The following UROS variants were observed in gnomAD, a reference collection of about 807,000 sequenced individuals.
UROS encodes uroporphyrinogen-III synthase.
Under a neutral mutation model 33.0 loss-of-function variants are expected in UROS, and 18 were observed. The ratio of observed to expected loss-of-function variants is 0.55; its 90% confidence interval spans 0.38 to 0.81. The LOEUF (loss-of-function observed/expected upper bound fraction) is 0.81. UROS is among the 30% of genes least tolerant of loss of function. The pLI, the probability that UROS is intolerant of heterozygous loss-of-function variation, is 0.00. For synonymous variants in UROS, 114 were observed against 121.1 expected, an observed-to-expected ratio of 0.94 and a Z score of 0.38; for missense variants, 293 against 314.9, an observed-to-expected ratio of 0.93 and a Z score of 0.53.
chr10:125,805,954 T>C (rs1852290985), intron 6 of UROS, among the ~76,000 whole-genome samples: 1 of 152,184 alleles, frequency 6.6e-6, no homozygotes, highest in Non-Finnish European at 1.5e-5. Context: ...CCCAGCAGTA[T>C]CTCTGCTGTT....
chr10:125,808,980 G>C (rs1852573169), intron 5 of UROS, among the ~76,000 whole-genome samples: 1 of 152,252 alleles, frequency 6.6e-6, no homozygotes, highest in South Asian at 2.1e-4. Flanking sequence ...AAAGCTGACA[G>C]TGAAACTTCA....
At chr10:125,800,448 C>T (rs555491750) in intron 6 of UROS, among the ~76,000 whole-genome samples, 60 of 152,264 alleles carry the variant, frequency 3.9e-4, no homozygotes, top group African/African-American at 1.3e-3. Flanking sequence ...TCGCACCTTA[C>T]GCAGGGGAGG....
At chr10:125,810,103 T>C (rs1852674613) in intron 5 of UROS, among the ~76,000 whole-genome samples, 1 of 152,084 alleles carries the variant, frequency 6.6e-6, no homozygotes, top group Non-Finnish European at 1.5e-5. Flanking sequence ...GAGCCAGGGG[T>C]GGCTCTTGAC....
At chr10:125,810,242 G>A (rs560162085) in intron 5 of UROS, among the ~76,000 whole-genome samples, 1 of 152,298 alleles carries the variant, frequency 6.6e-6, no homozygotes, top group East Asian at 1.9e-4. Flanking sequence ...AGAAGAAATG[G>A]ATGCCACTTC....
At chr10:125,813,767 C>T (rs1853032894) in intron 4 of UROS, among the ~76,000 whole-genome samples, 1 of 152,262 alleles carries the variant, frequency 6.6e-6, no homozygotes, top group Non-Finnish European at 1.5e-5. Context: ...GCATGAGCCA[C>T]TGCGCCTGGC....
chr10:125,807,682 C>T (rs1852453719), intron 5 of UROS, among the ~76,000 whole-genome samples, 195 bp from the exon 6 acceptor site: 2 of 152,132 alleles, frequency 1.3e-5, no homozygotes, highest in Non-Finnish European at 2.9e-5. Context: ...GTACCTGCAC[C>T]CCAGTTGTGT....
At chr10:125,789,134 T>TAAAAATGA in intron 9 of UROS, 129 bp from the exon 10 acceptor site, 2 of 1,451,234 alleles carry the variant, frequency 1.4e-6, no homozygotes, top group Non-Finnish European at 1.9e-6. Flanking sequence ...GACGTGTTTA[T>TAAAAATGA]AAAAATGACA....
intron 6 of UROS, chr10:125,803,083 C>T: frequency 7.4e-6 from 12 of 1,611,510 alleles, no homozygotes; most frequent in Middle Eastern, 1.7e-4. Flanking sequence ...TAGAAGCACA[C>T]AGAGCAAGGG....
At chr10:125,813,350 G>A (rs892962399) in intron 4 of UROS, among the ~76,000 whole-genome samples, 1 of 152,088 alleles carries the variant, frequency 6.6e-6, no homozygotes, top group African/African-American at 2.4e-5. Context: ...GAAAATACAT[G>A]GGAAAATGCA....
At chr10:125,790,745 T>C (rs1850865186) in intron 9 of UROS, among the ~76,000 whole-genome samples, 1 of 142,658 alleles carries the variant, frequency 7.0e-6, no homozygotes, top group Admixed American at 7.2e-5. Flanking sequence ...ATCGTGCCAC[T>C]GCACTCCAAC....
At chr10:125,797,669 C>T (rs1307199777) in intron 7 of UROS, among the ~76,000 whole-genome samples, 1 of 152,172 alleles carries the variant, frequency 6.6e-6, no homozygotes, top group Non-Finnish European at 1.5e-5. Context: ...GCTTGTGTGG[C>T]TCGGCTGGAG....
At chr10:125,798,858 A>G (rs921214977) in intron 6 of UROS, among the ~76,000 whole-genome samples, 1 of 152,238 alleles carries the variant, frequency 6.6e-6, no homozygotes, top group Non-Finnish European at 1.5e-5. Flanking sequence ...TAGGATTTGA[A>G]TGCCAATTTG....
chr10:125,811,846 C>T (rs1002601404), intron 5 of UROS, among the ~76,000 whole-genome samples: 2 of 151,698 alleles, frequency 1.3e-5, no homozygotes, highest in Non-Finnish European at 2.9e-5. Context: ...GAGATTTAGG[C>T]TTTTAAAAAA....
chr10:125,822,542 C>T (rs1335393839), intron 1 of UROS, among the ~76,000 whole-genome samples: 1 of 152,116 alleles, frequency 6.6e-6, no homozygotes, highest in Non-Finnish European at 1.5e-5. Flanking sequence ...AGGCTGGTCT[C>T]GAACTCCTGA....
intron 8 of UROS, among the ~76,000 whole-genome samples, chr10:125,795,749 C>T (rs1851299191): frequency 6.6e-6 from 1 of 152,174 alleles, no homozygotes; most frequent in Non-Finnish European, 1.5e-5. Flanking sequence ...GTACAAAAAG[C>T]TTTGCGTAAA....
At position 125,816,542 on chromosome 10, in the gene UROS, A is replaced by G. The variant is rs778286619; in HGVS notation, c.-26-17T>C. 5.6e-6 allele frequency: 9 copies of G among 1,613,398 alleles called. No homozygotes were observed. The highest frequency in any genetic ancestry group is 7.6e-6 in the Non-Finnish European group (9 of 1,179,374). On this transcript the variant is annotated splice_polypyrimidine_tract_variant and intron_variant, in intron 1 of 9. Transcript: ENST00000368797. ...TATAGGGCACTGCGACAGAGCAAGG[A>G]AACAGATCTTAATTAGATCTCAAAG...
chr10:125,816,981 G>A (rs760019641), intron 1 of UROS, among the ~76,000 whole-genome samples: 12 of 152,148 alleles, frequency 7.9e-5, no homozygotes, highest in Non-Finnish European at 1.5e-4. Context: ...TTTTCTAAAC[G>A]TCAAGTATCA....
rs771340208 is a variant in UROS at position 125,815,028 on chromosome 10, C to A, written c.244+6G>T. 1.1e-5 allele frequency: 17 copies of A among 1,613,948 alleles called. No homozygotes were observed. In the South Asian group the frequency reaches 1.9e-4, roughly 18 times the overall value. On this transcript the variant is annotated splice_donor_region_variant and intron_variant, in intron 4 of 9. Transcript: ENST00000368797. Reference sequence around the variant, plus strand: ...CCAGTGGAATCCACAGCAGACCCACCCTCACCTTCAGTTTTATTGTTTTGC... The same window carrying A: ...CCAGTGGAATCCACAGCAGACCCACACTCACCTTCAGTTTTATTGTTTTGC...
Position 125,816,245 on chromosome 10 carries a change from C to T in UROS, c.79G>A (p.Gly27Arg), listed in dbSNP as rs866573870. The T allele has an allele frequency of 1.2e-6, 2 of 1,614,138 alleles. No individual in the cohort carries two copies. Among genetic ancestry groups the T allele is most frequent in the East Asian group, 2.2e-5 (1 of 44,888 alleles). The change falls in exon 3 of 10, where the codon GGA (glycine) becomes AGA (arginine). Residue 27 changes from glycine (G) to arginine (R), a missense_variant. Gly to Arg is a moderately radical substitution (Grantham distance 125). Coordinates refer to ENST00000368797, the MANE Select transcript of UROS (RefSeq NM_000375.3). ...DPYIRELGLY[G>R]LEATLIPVLS... is the part of the protein sequence containing the mutation. ...ACAGGGATCAAAGTGGCTTCAAGTC[C>T]ATATAATCCTAATTCCTGAAATGAA... is the stretch of plus-strand genomic sequence containing the variant.
Sources: gnomAD v4.1 joint callset for allele counts (sites outside exome capture counted in the v4.1 genomes callset) on GRCh38, gnomAD v4.1.1 for gene constraint, MANE v1.5 for transcripts, NCBI Gene and HGNC (gene_info 2026-07-23, HGNC 2026-07-21) for gene names.